EGFLAM: variants seen among roughly 807,000 people sequenced by gnomAD.
EGFLAM encodes EGF like, fibronectin type III and laminin G domains, also known as pikachurin.
A neutral mutation model predicts 113.1 loss-of-function variants in EGFLAM; 79 were observed. That is an observed-to-expected ratio of 0.70 (90% confidence interval 0.58 to 0.84). EGFLAM has a LOEUF of 0.84. Ranked by LOEUF, EGFLAM falls within the 40% of genes least tolerant of loss-of-function variation. EGFLAM has a pLI of 0.00. For missense variants in EGFLAM, 1,265 were observed against 1,291.6 expected, an observed-to-expected ratio of 0.98 and a Z score of 0.32; for synonymous variants, 504 against 487.6, an observed-to-expected ratio of 1.03 and a Z score of -0.44.
intron 15 of EGFLAM, among the ~76,000 whole-genome samples, chr5:38,434,073 C>A (rs1742269286): frequency 6.6e-6 from 1 of 152,130 alleles, no homozygotes; most frequent in Admixed American, 6.5e-5. Context: ...AAAGCACAGA[C>A]CTCTCTCTCC....
At chr5:38,436,996 G>T (rs1489383258) in intron 16 of EGFLAM, among the ~76,000 whole-genome samples, 3 of 152,192 alleles carry the variant, frequency 2.0e-5, no homozygotes, top group Non-Finnish European at 4.4e-5. Context: ...GGCAGTGGGG[G>T]TTCCCCTGGG....
At chr5:38,364,668 A>T (rs1461007209) in intron 5 of EGFLAM, among the ~76,000 whole-genome samples, 2 of 152,202 alleles carry the variant, frequency 1.3e-5, no homozygotes, top group African/African-American at 4.8e-5. Context: ...CTCAAGGAAC[A>T]CGTAGATGAA....
At chr5:38,404,652 T>C (rs2112121213) in intron 6 of EGFLAM, among the ~76,000 whole-genome samples, 1 of 152,342 alleles carries the variant, frequency 6.6e-6, no homozygotes, top group Middle Eastern at 3.4e-3. Flanking sequence ...TTTTCCTTTT[T>C]CTTTTCCACT....
intron 1 of EGFLAM, among the ~76,000 whole-genome samples, chr5:38,284,862 A>G (rs1431638431): frequency 6.6e-6 from 1 of 152,214 alleles, no homozygotes; most frequent in African/African-American, 2.4e-5. Flanking sequence ...TTTGATGTAG[A>G]TAATAGGCAA....
chr5:38,366,148 A>G (rs1367189325), intron 5 of EGFLAM, among the ~76,000 whole-genome samples: 1 of 152,140 alleles, frequency 6.6e-6, no homozygotes, highest in Non-Finnish European at 1.5e-5. Context: ...AGCCAGCAGT[A>G]CCCACTCTTT....
At chr5:38,289,380 T>C (rs1758253399) in intron 1 of EGFLAM, among the ~76,000 whole-genome samples, 1 of 152,152 alleles carries the variant, frequency 6.6e-6, no homozygotes. Flanking sequence ...CATACCCATC[T>C]GTATTAGTCG....
intron 5 of EGFLAM, among the ~76,000 whole-genome samples, chr5:38,367,383 A>G (rs1740089935): frequency 6.6e-6 from 1 of 151,016 alleles, no homozygotes; most frequent in African/African-American, 2.4e-5. Context: ...AGTAGCTGAG[A>G]TTATAGGCAT....
Position 38,448,391 on chromosome 5 carries a change from C to T in EGFLAM, c.2543+12C>T. ...GATATCTTGAAGAGGTAATAAGCTT[C>T]AACAGGCACCTTCCTCAGCTTTCTG... On this transcript the variant is annotated intron_variant, in intron 18 of 21. Coordinates refer to ENST00000322350, the MANE Select transcript of EGFLAM (RefSeq NM_152403.4). 6.2e-7 allele frequency: 1 copy of T among 1,613,768 alleles called. No individual in the cohort carries two copies. Among genetic ancestry groups the T allele is most frequent in the South Asian group, 1.1e-5 (1 of 91,046 alleles).
At chr5:38,377,571 C>A (rs771220603) in intron 6 of EGFLAM, among the ~76,000 whole-genome samples, 2 of 152,148 alleles carry the variant, frequency 1.3e-5, no homozygotes, top group Non-Finnish European at 2.9e-5. Context: ...TGGATAACTC[C>A]CTACTGCTAC....
chr5:38,269,846 C>T (rs1757725976), intron 1 of EGFLAM, among the ~76,000 whole-genome samples: 1 of 152,188 alleles, frequency 6.6e-6, no homozygotes, highest in Non-Finnish European at 1.5e-5. Flanking sequence ...TCTTTGCAAT[C>T]CTTGCCCTAC....
chr5:38,363,724 T>A (rs1180032039), intron 5 of EGFLAM, among the ~76,000 whole-genome samples: 1 of 152,258 alleles, frequency 6.6e-6, no homozygotes, highest in Non-Finnish European at 1.5e-5. Context: ...ATATATTTGA[T>A]GCCTTTAAAA....
chr5:38,398,079 G>A (rs185631132), intron 6 of EGFLAM, among the ~76,000 whole-genome samples: 66 of 152,284 alleles, frequency 4.3e-4, no homozygotes, highest in African/African-American at 1.6e-3. Flanking sequence ...AGAGCCACTG[G>A]GAACATCAAC....
chr5:38,440,063 G>C (rs1471658750), intron 17 of EGFLAM, among the ~76,000 whole-genome samples: 2 of 152,162 alleles, frequency 1.3e-5, no homozygotes, highest in East Asian at 1.9e-4. Context: ...GTAACTATAG[G>C]TTCAGGTTCA....
chr5:38,417,577 C>T lies in EGFLAM; in HGVS notation c.1495-489C>T, dbSNP rs139826554. Among the ~76,000 whole-genome samples the T allele has an allele frequency of 4.1e-4, 62 of 152,154 alleles. 1 individual carries two copies. The East Asian group carries it at 0.011, about 28-fold the overall frequency. On this transcript the variant is annotated intron_variant, in intron 11 of 21. Coordinates refer to ENST00000322350, the MANE Select transcript of EGFLAM (RefSeq NM_152403.4). ...TGTTTGGTAATTCCCCTCCACCCCC[C>T]GTCCACCCCAACAATGTTTCTCTCA...
At chr5:38,311,749 G>T (rs1738451275) in intron 1 of EGFLAM, among the ~76,000 whole-genome samples, 1 of 152,068 alleles carries the variant, frequency 6.6e-6, no homozygotes, top group Admixed American at 6.5e-5. Context: ...AAGTGAAGTT[G>T]GCAATCCTAG....
intron 5 of EGFLAM, among the ~76,000 whole-genome samples, chr5:38,359,034 A>C (rs1451565207): frequency 1.3e-5 from 2 of 152,220 alleles, no homozygotes; most frequent in African/African-American, 4.8e-5. Flanking sequence ...AAATATAGCT[A>C]CCTATGTTTT....
Position 38,406,109 on chromosome 5 carries a change from T to A in EGFLAM, c.713-17T>A, listed in dbSNP as rs1213753362. On this transcript the variant is annotated splice_polypyrimidine_tract_variant and intron_variant, in intron 6 of 21. Transcript: ENST00000322350. ...AGGCCTGTGCTGATGAAGGGTGTGC[T>A]GCTTTTCTTTGTGAAGGCCCTGAGG... 1.9e-6 allele frequency: 3 copies of A among 1,605,688 alleles called. No individual in the cohort carries two copies. The highest frequency in any genetic ancestry group is 2.6e-6 in the Non-Finnish European group (3 of 1,172,328).
chr5:38,464,113 T>A lies in EGFLAM; in HGVS notation c.*127T>A. 2 of 1,258,308 alleles carry A rather than the reference T, an allele frequency of 1.6e-6. No individual in the cohort carries two copies. The highest frequency in any genetic ancestry group is 3.1e-5 in the South Asian group (2 of 63,706). The allele number at this position is 1,258,308 out of a possible 1,614,324, so 77.9% of individuals were successfully genotyped here. ...GTGTTTCCTCTCACCAAGAAGAAAG[T>A]ACACACTGATGAGAAACTGAGAACC... On this transcript the variant is annotated 3_prime_UTR_variant, in exon 22 of 22. Coordinates refer to ENST00000322350, the MANE Select transcript of EGFLAM (RefSeq NM_152403.4).
chr5:38,455,080 A>C (rs767120228), intron 19 of EGFLAM, among the ~76,000 whole-genome samples: 10 of 152,230 alleles, frequency 6.6e-5, no homozygotes, highest in Non-Finnish European at 1.5e-4. Flanking sequence ...CACAGTGAAC[A>C]CTGCCCGCTT....
Sources: gnomAD v4.1 joint callset for allele counts (sites outside exome capture counted in the v4.1 genomes callset) on GRCh38, gnomAD v4.1.1 for gene constraint, MANE v1.5 for transcripts, NCBI Gene and HGNC (gene_info 2026-07-23, HGNC 2026-07-21) for gene names.